The following RBFOX1 variants were observed in gnomAD, a reference collection of about 807,000 sequenced individuals.
The protein encoded by RBFOX1 is RNA binding protein fox-1 homolog 1.
A neutral mutation model predicts 57.7 loss-of-function variants in RBFOX1; 8 were observed. The ratio of observed to expected loss-of-function variants is 0.14; its 90% confidence interval spans 0.08 to 0.25. RBFOX1 has a LOEUF of 0.25. Among genes scored for constraint, RBFOX1 ranks in the 10% least tolerant of loss-of-function variants. The probability of loss-of-function intolerance (pLI) is 1.00; values close to 1 mark genes in which losing one functional copy is unlikely to be tolerated. For missense variants in RBFOX1, 611 were observed against 548.5 expected (o/e 1.11, Z -1.14); for synonymous variants, 326 against 222.4 (o/e 1.47, Z -4.15).
At chr16:6,954,929 G>A (rs1218076926) in intron 3 of RBFOX1, among the ~76,000 whole-genome samples, 2 of 151,956 alleles carry the variant, frequency 1.3e-5, no homozygotes, top group Non-Finnish European at 2.9e-5. Flanking sequence ...GGCTATTTTA[G>A]GCATCAAATT....
chr16:6,241,860 C>T (rs975146521), intron 1 of RBFOX1, among the ~76,000 whole-genome samples: 8 of 152,242 alleles, frequency 5.3e-5, no homozygotes, highest in African/African-American at 1.9e-4. Flanking sequence ...TGGTGAACTG[C>T]AAAAGCCCAA....
intron 1 of RBFOX1, among the ~76,000 whole-genome samples, chr16:6,157,825 G>C (rs975688036): frequency 6.6e-6 from 1 of 152,144 alleles, no homozygotes; most frequent in Non-Finnish European, 1.5e-5. Context: ...ATAATTATCA[G>C]CAATGTTAGA....
intron 1 of RBFOX1, among the ~76,000 whole-genome samples, chr16:5,252,024 G>A (rs927032287): frequency 2.6e-5 from 4 of 152,164 alleles, no homozygotes; most frequent in African/African-American, 9.7e-5. Flanking sequence ...AGGCCTGGCT[G>A]TAGCCCCCGC....
At chr16:7,164,429 T>C (rs969645344) in intron 4 of RBFOX1, among the ~76,000 whole-genome samples, 34 of 152,322 alleles carry the variant, frequency 2.2e-4, no homozygotes, top group African/African-American at 6.5e-4. Flanking sequence ...TAAACATACG[T>C]CTACAAGTGT....
Position 5,726,126 on chromosome 16 carries a change from C to G in RBFOX1, c.318+127165C>G, listed in dbSNP as rs144176711. On this transcript the variant is annotated intron_variant, in intron 3 of 19. Coordinates refer to the RBFOX1 transcript ENST00000641259. The stretch of plus-strand genomic sequence containing the variant: ...TTTTCTTTGGGTAGAATGGGTTTCT[C>G]TGATTTAAACTCCTTTCGTCCCAGT... Among the ~76,000 whole-genome samples, 5 of 151,606 alleles carry G rather than the reference C, an allele frequency of 3.3e-5. No individual in the cohort carries two copies. In the East Asian group the frequency reaches 9.7e-4, roughly 30 times the overall value.
chr16:6,082,199 G>A (rs1356324594), intron 1 of RBFOX1, among the ~76,000 whole-genome samples: 3 of 30,132 alleles, frequency 1.0e-4, no homozygotes, highest in Non-Finnish European at 2.3e-4. Flanking sequence ...TTTTTTTTTT[G>A]AGATGGATCC....
At chr16:6,077,516 C>G (rs910593658) in intron 1 of RBFOX1, among the ~76,000 whole-genome samples, 1 of 152,020 alleles carries the variant, frequency 6.6e-6, no homozygotes. Flanking sequence ...GGAATTGTGT[C>G]GTGCTCTCTA....
chr16:7,345,498 G>A (rs944358509), intron 4 of RBFOX1, among the ~76,000 whole-genome samples: 1 of 152,234 alleles, frequency 6.6e-6, no homozygotes, highest in Non-Finnish European at 1.5e-5. Flanking sequence ...TTGGCAGACA[G>A]TTCCCACTGT....
chr16:7,613,581 T>G (rs1057174772), intron 10 of RBFOX1, among the ~76,000 whole-genome samples: 2 of 152,172 alleles, frequency 1.3e-5, no homozygotes, highest in Admixed American at 1.3e-4. Context: ...ACTCTTTGAT[T>G]GCTTATCTCA....
chr16:7,572,282 A>G (rs762156453), intron 5 of RBFOX1, among the ~76,000 whole-genome samples: 3 of 152,150 alleles, frequency 2.0e-5, no homozygotes, highest in Non-Finnish European at 4.4e-5. Flanking sequence ...TGTATATGCA[A>G]ATGGAGATCC....
intron 4 of RBFOX1, among the ~76,000 whole-genome samples, chr16:5,885,327 A>C (rs1305541266): frequency 2.0e-5 from 3 of 152,018 alleles, no homozygotes; most frequent in African/African-American, 7.3e-5. Context: ...CTTAAAAAAA[A>C]AAAAAAAAAA....
At chr16:7,531,446 C>T (rs1423110826) in intron 5 of RBFOX1, among the ~76,000 whole-genome samples, 1 of 152,070 alleles carries the variant, frequency 6.6e-6, no homozygotes, top group African/African-American at 2.4e-5. Context: ...TATAATTAAC[C>T]CCTTATGGCC....
At chr16:7,570,369 C>T (rs1402782478) in intron 5 of RBFOX1, among the ~76,000 whole-genome samples, 1 of 152,160 alleles carries the variant, frequency 6.6e-6, no homozygotes, top group Non-Finnish European at 1.5e-5. Flanking sequence ...TATCCCCTCT[C>T]CCCTACTGAG....
chr16:7,243,901 C>G (rs1049900910), intron 4 of RBFOX1, among the ~76,000 whole-genome samples: 2 of 152,006 alleles, frequency 1.3e-5, no homozygotes, highest in Non-Finnish European at 2.9e-5. Flanking sequence ...TTCACATAAT[C>G]AAAACTCTTA....
At chr16:7,491,617 C>T (rs1258358360) in intron 4 of RBFOX1, among the ~76,000 whole-genome samples, 3 of 151,846 alleles carry the variant, frequency 2.0e-5, no homozygotes, top group Admixed American at 6.6e-5. Flanking sequence ...GAACATGCCT[C>T]ATTTGGGCTC....
Position 5,424,948 on chromosome 16 carries a change from C to G in RBFOX1, c.220-42268C>G, listed in dbSNP as rs1597007145. On this transcript the variant is annotated intron_variant, in intron 1 of 2. Transcript: ENST00000585867. ...CTTTCTTTCTTTCTCTCTCTTCTTT[C>G]TTCCTTTGTTTCTTTCTCTTTCTTT... Among the ~76,000 whole-genome samples the G allele has an allele frequency of 1.1e-4, 7 of 65,110 alleles. No individual in the cohort carries two copies. In the East Asian group the frequency reaches 3.8e-3, roughly 36 times the overall value. The allele number at this position is 65,110 out of a possible 152,430, so 42.7% of individuals were successfully genotyped here.
At chr16:7,541,048 C>T (rs1347170403) in intron 5 of RBFOX1, among the ~76,000 whole-genome samples, 1 of 152,130 alleles carries the variant, frequency 6.6e-6, no homozygotes, top group Non-Finnish European at 1.5e-5. Flanking sequence ...AGAATGTTTC[C>T]TTTTAGAAGC....
chr16:7,557,102 G>T (rs756360800), intron 5 of RBFOX1, among the ~76,000 whole-genome samples: 1 of 152,052 alleles, frequency 6.6e-6, no homozygotes. Flanking sequence ...TCCACAGAGC[G>T]AGTATTATAA....
At chr16:5,929,884 G>T (rs1001568808) in intron 4 of RBFOX1, among the ~76,000 whole-genome samples, 5 of 139,464 alleles carry the variant, frequency 3.6e-5, no homozygotes, top group Non-Finnish European at 6.3e-5. Context: ...GAAAAGGAGA[G>T]AATTAATTCT....
Sources: allele counts gnomAD v4.1 joint callset (sites outside exome capture counted in the v4.1 genomes callset), GRCh38; gene constraint gnomAD v4.1.1; transcripts MANE v1.5; gene names NCBI Gene and HGNC (gene_info 2026-07-23, HGNC 2026-07-21).